PACRG: variants seen among roughly 807,000 people sequenced by gnomAD.
The protein encoded by PACRG is parkin coregulated.
In PACRG, 29 loss-of-function variants were observed where a neutral mutation model predicts 29.7. The ratio of observed to expected loss-of-function variants is 0.98; its 90% CI spans 0.73 to 1.33. The LOEUF (loss-of-function observed/expected upper bound fraction) is 1.33. PACRG is among the 40% of genes most tolerant of loss of function. The pLI is 0.00. For synonymous variants in PACRG, 116 were observed against 118.7 expected, an observed-to-expected ratio of 0.98 and a Z score of 0.15; for missense variants, 279 against 316.2, an observed-to-expected ratio of 0.88 and a Z score of 0.89.
chr6:163,199,288 G>A (rs2128148566), intron 4 of PACRG, among the ~76,000 whole-genome samples: 1 of 152,304 alleles, frequency 6.6e-6, no homozygotes, highest in East Asian at 1.9e-4. Flanking sequence ...ATTGCAGGCT[G>A]ATTCTTGCAG....
chr6:162,864,976 A>G (rs1426312967), intron 2 of PACRG, among the ~76,000 whole-genome samples: 1 of 152,214 alleles, frequency 6.6e-6, no homozygotes, highest in East Asian at 1.9e-4. Context: ...ATGCCTTTAG[A>G]CTTACATAGT....
intron 2 of PACRG, among the ~76,000 whole-genome samples, chr6:162,933,154 G>T (rs9458672): frequency 6.6e-6 from 1 of 151,836 alleles, no homozygotes; most frequent in Non-Finnish European, 1.5e-5. Flanking sequence ...TTTACTCTCC[G>T]TACATTTGTA....
At chr6:162,727,254 G>T, upstream of PACRG, 1 of 233,776 alleles carries the variant, frequency 4.3e-6, no homozygotes, top group South Asian at 6.2e-5. Context: ...GATGGGTCCT[G>T]AACCGCACCA....
chr6:163,274,488 A>T (rs1783954610), intron 4 of PACRG, among the ~76,000 whole-genome samples: 2 of 152,152 alleles, frequency 1.3e-5, no homozygotes, highest in South Asian at 2.1e-4. Flanking sequence ...GCCTCAATAA[A>T]CATACGTGTG....
intron 2 of PACRG, among the ~76,000 whole-genome samples, chr6:162,899,082 A>T (rs1205419648): frequency 6.6e-6 from 1 of 152,194 alleles, no homozygotes; most frequent in Non-Finnish European, 1.5e-5. Flanking sequence ...TATCAAGGTT[A>T]TATTGTAGTA....
rs1168900541 is a variant in PACRG, at chr6:163,269,963, G to GAAAAC, written c.614-44861_614-44860insACAAA. Among the ~76,000 whole-genome samples, 8 of 63,678 alleles carry GAAAAC rather than the reference G, an allele frequency of 1.3e-4. 1 individual carries two copies. The highest frequency in any genetic ancestry group is 3.1e-4 in the African/African-American group (4 of 12,880). 41.8% of individuals were successfully genotyped at this position (63,678 alleles called of 152,430 possible). On this transcript the variant is annotated intron_variant, in intron 4 of 4. Coordinates refer to ENST00000366888, the MANE Select transcript of PACRG (RefSeq NM_001080379.2). ...AGAAAGAAAGAAAGAAAGAAAGAAAGAAAGAAAGAAAGAAAGAAAGAAAGA... is the reference window on the plus strand; with the variant it reads ...AGAAAGAAAGAAAGAAAGAAAGAAAGAAAACAAAGAAAGAAAGAAAGAAAGAAAGA...
intron 3 of PACRG, among the ~76,000 whole-genome samples, chr6:163,067,099 A>G (rs1811612537): frequency 6.6e-6 from 1 of 152,174 alleles, no homozygotes; most frequent in Admixed American, 6.5e-5. Context: ...TGACTTTAAG[A>G]TCTAGGATCT....
intron 4 of PACRG, among the ~76,000 whole-genome samples, chr6:163,143,958 G>C (rs1215907454): frequency 6.6e-6 from 1 of 152,174 alleles, no homozygotes; most frequent in African/African-American, 2.4e-5. Flanking sequence ...TTTCAGGCCA[G>C]GTGCGGTGGC....
chr6:162,856,590 G>C (rs1045682359), intron 2 of PACRG, among the ~76,000 whole-genome samples: 1 of 108,888 alleles, frequency 9.2e-6, no homozygotes, highest in African/African-American at 3.9e-5. Context: ...GGCACGTCTC[G>C]AAGAAAAAAA....
rs149835620 is a variant in PACRG at position 163,147,623 on chromosome 6, C to A, written c.613+58215C>A. Among the ~76,000 whole-genome samples, 123 of 152,276 alleles carry A rather than the reference C, an allele frequency of 8.1e-4. 1 individual carries two copies. The East Asian group carries it at 0.023, about 28-fold the overall frequency. On this transcript the variant is annotated intron_variant, in intron 4 of 4. Transcript: ENST00000366888. ...CCCTCATATCTCACTTTCCTAAAACCCACCTTTTATCACATGTCTTCCCCC... is the reference window on the plus strand; with the variant it reads ...CCCTCATATCTCACTTTCCTAAAACACACCTTTTATCACATGTCTTCCCCC...
intron 4 of PACRG, among the ~76,000 whole-genome samples, chr6:163,307,835 A>G (rs911958102): frequency 6.6e-6 from 1 of 152,230 alleles, no homozygotes; most frequent in Non-Finnish European, 1.5e-5. Context: ...CATTGTTTAA[A>G]AAGAAAAAAA....
chr6:162,931,424 T>G (rs1797846178), intron 2 of PACRG, among the ~76,000 whole-genome samples: 1 of 151,944 alleles, frequency 6.6e-6, no homozygotes, highest in South Asian at 2.1e-4. Flanking sequence ...AATTTTTTCC[T>G]AGGTTTTCTT....
chr6:162,770,863 T>TA (rs1175464104), intron 1 of PACRG, among the ~76,000 whole-genome samples: 4 of 152,280 alleles, frequency 2.6e-5, no homozygotes, highest in South Asian at 4.1e-4. Context: ...GATAAAGATT[T>TA]GACTACCTGT....
intron 1 of PACRG, among the ~76,000 whole-genome samples, chr6:162,782,117 T>C (rs568813907): frequency 6.6e-6 from 1 of 151,978 alleles, no homozygotes; most frequent in East Asian, 1.9e-4. Context: ...CGATAGCTAA[T>C]GAGTATCAAA....
intron 2 of PACRG, among the ~76,000 whole-genome samples, chr6:162,937,931 A>C (rs1012855305): frequency 3.3e-5 from 5 of 151,984 alleles, no homozygotes; most frequent in Admixed American, 2.0e-4. Flanking sequence ...TATTGGGGCA[A>C]AGGTGGTATT....
intron 4 of PACRG, among the ~76,000 whole-genome samples, chr6:163,283,630 C>T (rs1784292190): frequency 6.7e-6 from 1 of 150,082 alleles, no homozygotes; most frequent in African/African-American, 2.5e-5. Flanking sequence ...GAAACCCCGT[C>T]TCTACTAAAA....
chr6:162,924,418 T>C (rs1209403651), intron 2 of PACRG, among the ~76,000 whole-genome samples: 2 of 152,126 alleles, frequency 1.3e-5, no homozygotes, highest in Non-Finnish European at 2.9e-5. Context: ...GGACTTCCAG[T>C]ACTCTATTGA....
At chr6:162,984,466 G>T (rs1457418909) in intron 2 of PACRG, among the ~76,000 whole-genome samples, 1 of 151,958 alleles carries the variant, frequency 6.6e-6, no homozygotes, top group Non-Finnish European at 1.5e-5. Context: ...ATTGCAAATT[G>T]TGCTGCTGTC....
chr6:163,105,263 A>C (rs1815317821), intron 4 of PACRG, among the ~76,000 whole-genome samples: 1 of 152,212 alleles, frequency 6.6e-6, no homozygotes, highest in African/African-American at 2.4e-5. Context: ...AAGCACACCT[A>C]TTAAAATGAT....
Sources: allele counts gnomAD v4.1 joint callset (sites outside exome capture counted in the v4.1 genomes callset), GRCh38; gene constraint gnomAD v4.1.1; transcripts MANE v1.5; gene names NCBI Gene and HGNC (gene_info 2026-07-23, HGNC 2026-07-21).